Variants in DEPDC1B observed in about 807,000 individuals in gnomAD.
The protein encoded by DEPDC1B is DEP domain containing 1B, also known as DEP domain-containing protein 1B.
Under a neutral mutation model 66.5 loss-of-function variants are expected in DEPDC1B, and 51 were observed. That is an observed-to-expected ratio of 0.77 (90% confidence interval 0.61 to 0.97). The LOEUF (loss-of-function observed/expected upper bound fraction) is 0.97, where lower values mean the gene tolerates loss of function less well. DEPDC1B is among the 50% of genes least tolerant of loss of function. The pLI is 0.00. For missense variants in DEPDC1B, 552 were observed against 637.1 expected, an observed-to-expected ratio of 0.87 and a Z score of 1.44; for synonymous variants, 226 against 223.6, an observed-to-expected ratio of 1.01 and a Z score of -0.10.
At chr5:60,641,823 A>C (rs890664539) in intron 6 of DEPDC1B, among the ~76,000 whole-genome samples, 1 of 152,196 alleles carries the variant, frequency 6.6e-6, no homozygotes, top group African/African-American at 2.4e-5. Context: ...GAGGCTCCAA[A>C]TTTTAACCAA....
chr5:60,613,392 C>CA (rs1752463334), intron 7 of DEPDC1B, among the ~76,000 whole-genome samples: 1 of 152,202 alleles, frequency 6.6e-6, no homozygotes, highest in Non-Finnish European at 1.5e-5. Flanking sequence ...TTAATGTATT[C>CA]ATTCAACGAA....
intron 2 of DEPDC1B, among the ~76,000 whole-genome samples, chr5:60,668,176 G>T (rs1335311735): frequency 1.5e-4 from 1 of 6,618 alleles, no homozygotes; most frequent in Admixed American, 2.0e-3. Context: ...TATATAAAAT[G>T]GATATTTTAT....
At chr5:60,613,014 G>A (rs1438418865) in intron 7 of DEPDC1B, among the ~76,000 whole-genome samples, 1 of 152,176 alleles carries the variant, frequency 6.6e-6, no homozygotes, top group Non-Finnish European at 1.5e-5. Flanking sequence ...CTTTTTAAAT[G>A]CATTGCTTTT....
intron 1 of DEPDC1B, chr5:60,689,157 A>C: frequency 2.3e-6 from 1 of 427,952 alleles, no homozygotes; most frequent in Admixed American, 2.6e-5. Flanking sequence ...GAACTAAAAA[A>C]AATCCAGTTT....
intron 7 of DEPDC1B, among the ~76,000 whole-genome samples, chr5:60,616,521 C>G (rs182175137): frequency 6.6e-6 from 1 of 152,092 alleles, no homozygotes; most frequent in Non-Finnish European, 1.5e-5. Context: ...CTGATTCGAT[C>G]AAATGGAAGG....
chr5:60,661,145 G>C (rs922691691), intron 2 of DEPDC1B, among the ~76,000 whole-genome samples: 36 of 152,180 alleles, frequency 2.4e-4, no homozygotes, highest in Non-Finnish European at 5.1e-4. Flanking sequence ...TAATGGGGCA[G>C]CTGGGTTATG....
intron 2 of DEPDC1B, among the ~76,000 whole-genome samples, chr5:60,667,551 T>A (rs1362288542): frequency 2.0e-5 from 3 of 146,908 alleles, no homozygotes; most frequent in African/African-American, 4.9e-5. Flanking sequence ...AAAAAATGGA[T>A]ATTTTACATA....
intron 9 of DEPDC1B, among the ~76,000 whole-genome samples, chr5:60,602,960 G>A (rs945549576): frequency 6.6e-6 from 1 of 152,204 alleles, no homozygotes; most frequent in Non-Finnish European, 1.5e-5. Context: ...TACAGAGGCT[G>A]ACTGCAACAG....
chr5:60,693,963 C>T (rs1321090130), intron 1 of DEPDC1B, among the ~76,000 whole-genome samples: 1 of 152,094 alleles, frequency 6.6e-6, no homozygotes, highest in African/African-American at 2.4e-5. Flanking sequence ...ATTACATAAA[C>T]ATAATGAAGG....
At chr5:60,608,927 A>G (rs952487414) in intron 7 of DEPDC1B, among the ~76,000 whole-genome samples, 5 of 152,096 alleles carry the variant, frequency 3.3e-5, no homozygotes, top group African/African-American at 1.2e-4. Flanking sequence ...TGGACAACAT[A>G]GCAAAATCCC....
intron 8 of DEPDC1B, among the ~76,000 whole-genome samples, chr5:60,604,810 T>C (rs1752277442): frequency 6.6e-6 from 1 of 152,140 alleles, no homozygotes; most frequent in Non-Finnish European, 1.5e-5. Context: ...ATATGCAGAA[T>C]AGATATAAAG....
chr5:60,660,221 GGA>G (rs947383468), intron 2 of DEPDC1B, among the ~76,000 whole-genome samples: 1 of 149,234 alleles, frequency 6.7e-6, no homozygotes, highest in African/African-American at 2.5e-5. Context: ...CAGAAAGCGA[GGA>G]GAGAGAGAGA....
intron 7 of DEPDC1B, 83 bp from the exon 8 acceptor site, chr5:60,605,939 A>G: frequency 2.6e-6 from 3 of 1,136,038 alleles, no homozygotes; most frequent in South Asian, 1.9e-5. Flanking sequence ...CAAAATATAT[A>G]TTAGTAAAAT....
At chr5:60,631,867 A>T (rs1330053960) in intron 7 of DEPDC1B, among the ~76,000 whole-genome samples, 4 of 152,208 alleles carry the variant, frequency 2.6e-5, no homozygotes, top group Non-Finnish European at 5.9e-5. Context: ...GTTGGTGGCT[A>T]GTGGCTGTCC....
intron 7 of DEPDC1B, among the ~76,000 whole-genome samples, chr5:60,636,629 T>G (rs1010372713): frequency 4.6e-5 from 7 of 152,148 alleles, no homozygotes; most frequent in Non-Finnish European, 8.8e-5. Context: ...ATTGCTATGT[T>G]AGATACTTTG....
intron 9 of DEPDC1B, 118 bp downstream of exon 9, chr5:60,603,273 A>C: frequency 2.2e-6 from 2 of 920,786 alleles, no homozygotes; most frequent in Non-Finnish European, 3.0e-6. Flanking sequence ...ACCTGTTGTA[A>C]GTACTTTATA....
Position 60,603,210 on chromosome 5 carries a change from G to T in DEPDC1B, c.1242+181C>A, listed in dbSNP as rs1366228447. Among the ~76,000 whole-genome samples the T allele has an allele frequency of 3.3e-5, 5 of 152,160 alleles. 1 individual carries two copies. The highest frequency in any genetic ancestry group is 1.3e-4 in the Admixed American group (2 of 15,278). Reference sequence around the variant, plus strand: ...ATACACAAAACCAAATGTGCATTCTGTAAACTTTTCAATGATAATACAAAC... The same window carrying T: ...ATACACAAAACCAAATGTGCATTCTTTAAACTTTTCAATGATAATACAAAC... On this transcript the variant is annotated intron_variant, in intron 9 of 10. Transcript: ENST00000265036.
chr5:60,608,336 G>A (rs1752351219), intron 7 of DEPDC1B, among the ~76,000 whole-genome samples: 1 of 151,914 alleles, frequency 6.6e-6, no homozygotes, highest in Non-Finnish European at 1.5e-5. Context: ...GAGACTACAA[G>A]CTAACCGAAA....
intron 7 of DEPDC1B, among the ~76,000 whole-genome samples, chr5:60,616,004 C>G (rs913131666): frequency 5.9e-5 from 9 of 152,198 alleles, no homozygotes; most frequent in Non-Finnish European, 1.0e-4. Context: ...TGTTCTGCAG[C>G]CTCTGCTGCT....
Sources: allele counts gnomAD v4.1 joint callset (sites outside exome capture counted in the v4.1 genomes callset), GRCh38; gene constraint gnomAD v4.1.1; transcripts MANE v1.5; gene names NCBI Gene and HGNC (gene_info 2026-07-23, HGNC 2026-07-21).